WDR5: variants seen among roughly 807,000 people sequenced by gnomAD.
WDR5 encodes the protein WD repeat-containing protein 5.
For missense variants in WDR5, 187 were observed against 416.9 expected, an observed-to-expected ratio of 0.45 and a Z score of 4.80; for synonymous variants, 144 against 161.6, an observed-to-expected ratio of 0.89 and a Z score of 0.83.
At chr9:134,155,218 C>T (rs1832692981) in intron 10 of WDR5, 122 bp from the exon 11 acceptor site, 3 of 1,233,594 alleles carry the variant, frequency 2.4e-6, no homozygotes, top group South Asian at 1.9e-5. Flanking sequence ...AAGGGGGTTC[C>T]AGCCCCGCTG....
intron 7 of WDR5, among the ~76,000 whole-genome samples, chr9:134,147,127 T>A (rs888447235): frequency 1.3e-5 from 2 of 152,280 alleles, no homozygotes; most frequent in Admixed American, 6.5e-5. Flanking sequence ...ATATTTTAGA[T>A]ACATTGGGTT....
intron 9 of WDR5, among the ~76,000 whole-genome samples, chr9:134,152,663 A>T (rs1429613191): frequency 6.6e-6 from 1 of 152,144 alleles, no homozygotes; most frequent in African/African-American, 2.4e-5. Flanking sequence ...GCGCACCTTG[A>T]GGAGGGAGCT....
chr9:134,142,227 C>T (rs1391988788), intron 5 of WDR5, 106 bp from the exon 6 acceptor site: 7 of 1,296,632 alleles, frequency 5.4e-6, no homozygotes, highest in East Asian at 2.4e-5. Context: ...AAGTCACTGG[C>T]GGGGCATCAG....
Position 134,157,921 on chromosome 9 carries a change from A to T in WDR5, c.933A>T (p.Pro311=). Residue 311 remains proline (P), a synonymous_variant, in exon 14 of 14, where the codon CCA becomes CCT. Transcript: ENST00000358625. The surrounding 1 kb of genome is among the most constrained non-coding windows in gnomAD (Gnocchi z 5.0). The part of the protein sequence containing the change: ...TDVVISTACH[P]TENIIASAAL... ...TCGTGATCTCAACAGCTTGTCACCC[A>T]ACAGAAAACATCATCGCCTCTGCTG... The T allele has an allele frequency of 6.2e-7, 1 of 1,614,176 alleles. No individual in the cohort carries two copies. Among genetic ancestry groups the T allele is most frequent in the Non-Finnish European group, 8.5e-7 (1 of 1,180,006 alleles).
In WDR5 at chr9:134,142,329, A is replaced by T. The variant is rs28562287; in HGVS notation, c.355-4A>T. 37,767 of 1,613,158 alleles carry T rather than the reference A, an allele frequency of 0.023. 525 individuals carry two copies. The highest frequency in any genetic ancestry group is 0.041 in the Middle Eastern group (238 of 5,856). On this transcript the variant is annotated splice_region_variant and splice_polypyrimidine_tract_variant and intron_variant, in intron 5 of 13. Coordinates refer to ENST00000358625, the MANE Select transcript of WDR5 (RefSeq NM_017588.3). ...GGAATAATCCTAATAATACTCTGTT[A>T]TAGGGCAAGTGTCTGAAAACCCTGA...
At chr9:134,151,460 T>C (rs909468735) in intron 8 of WDR5, among the ~76,000 whole-genome samples, 1 of 152,232 alleles carries the variant, frequency 6.6e-6, no homozygotes, top group Non-Finnish European at 1.5e-5. Flanking sequence ...GCTTCCAGAA[T>C]GCGTCTGTAT....
intron 1 of WDR5, among the ~76,000 whole-genome samples, 172 bp downstream of exon 1, chr9:134,136,372 C>T (rs1415781254): frequency 6.6e-6 from 1 of 151,112 alleles, no homozygotes; most frequent in African/African-American, 2.4e-5. Context: ...CCGCCCCGGC[C>T]CCTCGGTGGA....
At chr9:134,141,361 C>A in intron 3 of WDR5, 149 bp from the exon 4 acceptor site, 1 of 677,152 alleles carries the variant, frequency 1.5e-6, no homozygotes, top group Non-Finnish European at 2.6e-6. Flanking sequence ...CTGGTCCTCT[C>A]AGGCATGTGG....
chr9:134,139,536 C>T (rs1178511804), intron 1 of WDR5, among the ~76,000 whole-genome samples: 4 of 152,116 alleles, frequency 2.6e-5, no homozygotes, highest in African/African-American at 9.7e-5. Flanking sequence ...GCACAAACTG[C>T]TGCATTCTTA....
At position 134,146,515 on chromosome 9, in the gene WDR5, C is replaced by T. The variant is rs1033611489; in HGVS notation, c.529-1773C>T. 4.5e-4 allele frequency among the ~76,000 whole-genome samples: 69 copies of T among 152,326 alleles called. 1 individual carries two copies. The highest frequency in any genetic ancestry group is 1.5e-3 in the African/African-American group (62 of 41,588). On this transcript the variant is annotated intron_variant, in intron 7 of 13. Coordinates refer to ENST00000358625, the MANE Select transcript of WDR5 (RefSeq NM_017588.3). ...TTTCCTAAAATGCTGGGATTACAGG[C>T]GTAAGCCACCGCGCCCGGCCTCCCT...
At chr9:134,154,396 C>T (rs1311473840) in intron 9 of WDR5, 70 bp from the exon 10 acceptor site, 19 of 1,501,020 alleles carry the variant, frequency 1.3e-5, no homozygotes, top group Middle Eastern at 1.7e-4. Context: ...GGATGGGGAG[C>T]GGGTCCCACC....
At chr9:134,137,674 A>C (rs1209545018) in intron 1 of WDR5, among the ~76,000 whole-genome samples, 2 of 143,920 alleles carry the variant, frequency 1.4e-5, no homozygotes, top group South Asian at 2.3e-4. Flanking sequence ...TCTCAAAAAA[A>C]AAACAAAAAC....
Position 134,141,458 on chromosome 9 carries a change from A to G in WDR5, c.191-52A>G, listed in dbSNP as rs1831884334. 3.2e-6 allele frequency: 5 copies of G among 1,584,566 alleles called. No homozygotes were observed. The Admixed American group carries it at 8.3e-5, about 26-fold the overall frequency. ...AAGCTCAGACTTTGGACTCTGGATGACTAGACAATTGTGTCCTGCTCTTAG... is the reference window on the plus strand; with the variant it reads ...AAGCTCAGACTTTGGACTCTGGATGGCTAGACAATTGTGTCCTGCTCTTAG... On this transcript the variant is annotated intron_variant, in intron 3 of 13. Transcript: ENST00000358625.
At chr9:134,146,270 T>G (rs1832197061) in intron 7 of WDR5, among the ~76,000 whole-genome samples, 2 of 151,518 alleles carry the variant, frequency 1.3e-5, no homozygotes, top group Non-Finnish European at 2.9e-5. Context: ...GGTCTCACTC[T>G]GTTGCCCAAG....
At chr9:134,137,291 C>G (rs557272653) in intron 1 of WDR5, among the ~76,000 whole-genome samples, 30 of 152,252 alleles carry the variant, frequency 2.0e-4, no homozygotes, top group African/African-American at 7.2e-4. Flanking sequence ...CATCACCGTT[C>G]CCGTAACCTT....
At chr9:134,143,638 T>G (rs1162085509) in intron 7 of WDR5, among the ~76,000 whole-genome samples, 1 of 151,844 alleles carries the variant, frequency 6.6e-6, no homozygotes, top group Non-Finnish European at 1.5e-5. Flanking sequence ...GCCATTCTCC[T>G]GCCTCAGCCT....
chr9:134,143,211 A>C (rs1831987938), intron 7 of WDR5, among the ~76,000 whole-genome samples: 1 of 152,200 alleles, frequency 6.6e-6, no homozygotes, highest in Non-Finnish European at 1.5e-5. Context: ...GCACAGGGAC[A>C]CGTCCTGCCA....
At chr9:134,145,058 T>C (rs28488634) in intron 7 of WDR5, among the ~76,000 whole-genome samples, 11,467 of 150,462 alleles carry the variant, frequency 0.076, 925 homozygotes, top group African/African-American at 0.2. Flanking sequence ...GCTGCTGCTC[T>C]GTAGCTGTCT....
At chr9:134,136,477 C>T (rs796631234) in intron 1 of WDR5, among the ~76,000 whole-genome samples, 72 of 152,244 alleles carry the variant, frequency 4.7e-4, no homozygotes, top group African/African-American at 1.7e-3. Context: ...AGAGCGCCGG[C>T]ACTGGGTCCT....
Sources: allele counts gnomAD v4.1 joint callset (sites outside exome capture counted in the v4.1 genomes callset), GRCh38; gene constraint gnomAD v4.1.1; non-coding constraint Gnocchi (gnomAD v3.1); transcripts MANE v1.5; gene names NCBI Gene and HGNC (gene_info 2026-07-23, HGNC 2026-07-21).